PXK: variants seen among roughly 807,000 people sequenced by gnomAD.
PXK encodes PX domain-containing protein kinase-like protein.
In PXK, 35 loss-of-function variants were observed where a neutral mutation model predicts 84.7. That is an observed-to-expected ratio of 0.41 (90% CI 0.32 to 0.55). The LOEUF (loss-of-function observed/expected upper bound fraction) is 0.55, where lower values mean the gene tolerates loss of function less well. Ranked by LOEUF, PXK falls within the 20% of genes least tolerant of loss-of-function variation. The pLI is 0.21. For missense variants in PXK, 634 were observed against 699.7 expected, an observed-to-expected ratio of 0.91 and a Z score of 1.06; for synonymous variants, 253 against 260.8, an observed-to-expected ratio of 0.97 and a Z score of 0.29.
At chr3:58,348,382 C>A (rs2097858629) in intron 1 of PXK, among the ~76,000 whole-genome samples, 1 of 152,104 alleles carries the variant, frequency 6.6e-6, no homozygotes, top group Non-Finnish European at 1.5e-5. Flanking sequence ...ATTTGTGTGA[C>A]CGTTTTCTCA....
At position 58,409,021 on chromosome 3, in the gene PXK, T is replaced by A; in HGVS notation, c.1308+20T>A. 1 of 1,542,496 alleles carries A rather than the reference T, an allele frequency of 6.5e-7. No individual in the cohort carries two copies. Among genetic ancestry groups the A allele is most frequent in the Non-Finnish European group, 9.0e-7 (1 of 1,117,132 alleles). Reference sequence around the variant, plus strand: ...AAACAGGTAAATTGATAACGGTTCCTCTTTGCCTTTTAGTGTCCCCATCCT... The same window carrying A: ...AAACAGGTAAATTGATAACGGTTCCACTTTGCCTTTTAGTGTCCCCATCCT... On this transcript the variant is annotated intron_variant, in intron 14 of 17. Transcript: ENST00000356151. This position sits in a 1 kb window ranked among gnomAD's most constrained non-coding sequence, Gnocchi z 4.2.
At position 58,418,488 on chromosome 3, in the gene PXK, G is replaced by A. The variant is rs141412173; in HGVS notation, c.1528+5525G>A. On this transcript the variant is annotated intron_variant, in intron 17 of 17. Transcript: ENST00000356151. ...CTTCAGGGTGCGCTGCAGGGCCCGT[G>A]CTCTTAAATACTGTTGTTGGCTGGT... Among the ~76,000 whole-genome samples the A allele has an allele frequency of 7.9e-3, 1,198 of 152,300 alleles. 17 individuals are homozygous for A. Among genetic ancestry groups the A allele is most frequent in the African/African-American group, 0.027 (1,134 of 41,554 alleles).
chr3:58,367,648 T>C (rs951934991), intron 2 of PXK, among the ~76,000 whole-genome samples: 3 of 152,142 alleles, frequency 2.0e-5, no homozygotes, highest in Admixed American at 6.6e-5. Flanking sequence ...TGGATAGCCA[T>C]GTAGAATGTG....
rs1007684979 is a variant in PXK at position 58,382,717 on chromosome 3, G to A, written c.388+17G>A. 2.7e-6 allele frequency: 4 copies of A among 1,496,540 alleles called. No homozygotes were observed. The highest frequency in any genetic ancestry group is 3.6e-6 in the Non-Finnish European group (4 of 1,120,318). The allele number at this position is 1,496,540 out of a possible 1,614,324, so 92.7% of individuals were successfully genotyped here. A position where few individuals can be genotyped will look rare whatever the true frequency, so the allele number is the denominator to read the frequency against. On this transcript the variant is annotated intron_variant, in intron 4 of 17. Transcript: ENST00000356151. ...ACTATACTGGTAAGCGAAGGAATCT[G>A]TGAATTATGGTCACATGGCTAAAGA... is the stretch of plus-strand genomic sequence containing the variant.
chr3:58,335,350 A>G (rs1233516135), intron 1 of PXK, among the ~76,000 whole-genome samples: 1 of 152,118 alleles, frequency 6.6e-6, no homozygotes, highest in African/African-American at 2.4e-5. Flanking sequence ...TGTTCTTGTC[A>G]TTTTAGCTGT....
At chr3:58,368,800 A>G (rs547551588) in intron 2 of PXK, among the ~76,000 whole-genome samples, 1 of 152,248 alleles carries the variant, frequency 6.6e-6, no homozygotes, top group African/African-American at 2.4e-5. Flanking sequence ...TCAAACCAAA[A>G]TTATTTTCTT....
At chr3:58,404,226 A>T (rs1038723116) in intron 13 of PXK, among the ~76,000 whole-genome samples, 3 of 152,178 alleles carry the variant, frequency 2.0e-5, no homozygotes, top group Non-Finnish European at 2.9e-5. Flanking sequence ...TTCTCCTGGG[A>T]AGCAGTGGTG....
chr3:58,394,677 A>T (rs2057359242), intron 7 of PXK, among the ~76,000 whole-genome samples: 1 of 152,160 alleles, frequency 6.6e-6, no homozygotes, highest in Non-Finnish European at 1.5e-5. Flanking sequence ...CAGACATTTT[A>T]TCTCTTCCAC....
Position 58,364,596 on chromosome 3 carries a change from C to T in PXK, c.103-1278C>T, listed in dbSNP as rs2098242744. 6.6e-6 allele frequency among the ~76,000 whole-genome samples: 1 copy of T among 152,008 alleles called. No homozygotes were observed. Among genetic ancestry groups the T allele is most frequent in the Non-Finnish European group, 1.5e-5 (1 of 68,012 alleles). ...GAACAGTGGCAGGCACCTGTAATCC[C>T]AGCTACTCAGGAGGCTGAGGCAGGA... On this transcript the variant is annotated intron_variant, in intron 1 of 17. Transcript: ENST00000356151. The surrounding 1 kb of genome is among the most constrained non-coding windows in gnomAD (Gnocchi z 4.3).
rs1291318476 is a variant in PXK at position 58,379,911 on chromosome 3, A to G, written c.202-2603A>G. On this transcript the variant is annotated intron_variant, in intron 3 of 17. Transcript: ENST00000356151. This position sits in a 1 kb window ranked among gnomAD's most constrained non-coding sequence, Gnocchi z 5.1. ...TGCTTGAGCTTAGGAGGTCGAGGCT[A>G]CAGTGAGCGGTGATCATGCCACTGC... Among the ~76,000 whole-genome samples the G allele has an allele frequency of 1.3e-5, 2 of 152,034 alleles. No individual in the cohort carries two copies. The highest frequency in any genetic ancestry group is 2.4e-5 in the African/African-American group (1 of 41,396).
intron 7 of PXK, among the ~76,000 whole-genome samples, chr3:58,394,172 C>T (rs2098658418): frequency 6.6e-6 from 1 of 152,206 alleles, no homozygotes; most frequent in African/African-American, 2.4e-5. Context: ...CCCCAACCTG[C>T]TGCATGCCAG....
intron 4 of PXK, among the ~76,000 whole-genome samples, chr3:58,386,149 G>A (rs996530783): frequency 2.0e-5 from 3 of 151,980 alleles, no homozygotes; most frequent in Non-Finnish European, 4.4e-5. Context: ...GTAGACCCTT[G>A]GTCTTCTGTG....
rs933789716 is a variant in PXK at position 58,401,883 on chromosome 3, C to G, written c.1182-1979C>G. On this transcript the variant is annotated intron_variant, in intron 12 of 17. Transcript: ENST00000356151. The surrounding 1 kb of genome is among the most constrained non-coding windows in gnomAD (Gnocchi z 4.4). The stretch of plus-strand genomic sequence containing the variant: ...CAGCCTGGGCGACAGAGTGAGACTC[C>G]ATCTCAAAAAAATAAAATAAAATAA... Among the ~76,000 whole-genome samples the G allele has an allele frequency of 3.3e-5, 5 of 151,954 alleles. No homozygotes were observed. Among genetic ancestry groups the G allele is most frequent in the African/African-American group, 1.2e-4 (5 of 41,360 alleles).
chr3:58,355,312 G>A (rs2098049159), intron 1 of PXK, among the ~76,000 whole-genome samples: 1 of 152,090 alleles, frequency 6.6e-6, no homozygotes, highest in African/African-American at 2.4e-5. Context: ...ACACTGACAG[G>A]TTCTGCAAAA....
At chr3:58,389,999 C>CAAA (rs61380830) in intron 4 of PXK, among the ~76,000 whole-genome samples, 161 of 51,568 alleles carry the variant, frequency 3.1e-3, no homozygotes, top group South Asian at 5.3e-3. Context: ...AACTCCGTCT[C>CAAA]AAAAAAAAAA....
rs2062648085 is a variant in PXK at position 58,425,070 on chromosome 3, A to G, written c.*110A>G. On this transcript the variant is annotated 3_prime_UTR_variant, in exon 18 of 18. Transcript: ENST00000356151. Reference sequence around the variant, plus strand: ...TAATTGCTGAGCCAGTACAGCCACAAACAGTACTATTTTGCAGATGCTCAT... The same window carrying G: ...TAATTGCTGAGCCAGTACAGCCACAGACAGTACTATTTTGCAGATGCTCAT... 2 of 1,451,646 alleles carry G rather than the reference A, an allele frequency of 1.4e-6. No individual in the cohort carries two copies. The highest frequency in any genetic ancestry group is 1.4e-5 in the African/African-American group (1 of 70,514). The allele number at this position is 1,451,646 out of a possible 1,614,324, so 89.9% of individuals were successfully genotyped here.
chr3:58,358,445 A>G (rs755410290), intron 1 of PXK, among the ~76,000 whole-genome samples: 2 of 152,200 alleles, frequency 1.3e-5, no homozygotes, highest in Non-Finnish European at 2.9e-5. Flanking sequence ...AGACATGCAC[A>G]TGCTACAAAT....
At chr3:58,418,622 A>G (rs2107735815) in intron 17 of PXK, among the ~76,000 whole-genome samples, 1 of 135,840 alleles carries the variant, frequency 7.4e-6, no homozygotes, top group South Asian at 2.4e-4. Context: ...GAGGCTTTTA[A>G]AAGACGTCTC....
At position 58,387,851 on chromosome 3, in the gene PXK, T is replaced by TGAGTCTGGGCC. The variant is rs200840242; in HGVS notation, c.389-2730_389-2720dup. The stretch of plus-strand genomic sequence containing the variant: ...GGCTAATGGAGCAGAACATCTGGGC[T>TGAGTCTGGGCC]GAGTCTGGGCCAGATGGAAAATGCT... On this transcript the variant is annotated intron_variant, in intron 4 of 17. Coordinates refer to ENST00000356151, the MANE Select transcript of PXK (RefSeq NM_017771.5). Among the ~76,000 whole-genome samples the TGAGTCTGGGCC allele has an allele frequency of 9.0e-3, 1,366 of 152,154 alleles. 23 individuals are homozygous for TGAGTCTGGGCC. Among genetic ancestry groups the TGAGTCTGGGCC allele is most frequent in the African/African-American group, 0.031 (1,277 of 41,508 alleles).
Sources: gnomAD v4.1 joint callset for allele counts (sites outside exome capture counted in the v4.1 genomes callset) on GRCh38, gnomAD v4.1.1 for gene constraint, Gnocchi (gnomAD v3.1) non-coding constraint, MANE v1.5 for transcripts, NCBI Gene and HGNC (gene_info 2026-07-23, HGNC 2026-07-21) for gene names.